HIP1: variants seen among roughly 807,000 people sequenced by gnomAD.
The protein encoded by HIP1 is huntingtin interacting protein 1, also known as huntingtin-interacting protein 1.
Under a neutral mutation model 147.6 loss-of-function variants are expected in HIP1, and 65 were observed. The ratio of observed to expected loss-of-function variants is 0.44; its 90% CI spans 0.36 to 0.54. The LOEUF (loss-of-function observed/expected upper bound fraction) is 0.54, where lower values mean the gene tolerates loss of function less well. Ranked by LOEUF, HIP1 falls within the 20% of genes least tolerant of loss-of-function variation. HIP1 has a pLI of 0.00. For synonymous variants in HIP1, 479 were observed against 504.0 expected (o/e 0.95, Z 0.67); for missense variants, 1,061 against 1,299.6 (o/e 0.82, Z 2.82).
Position 75,543,053 on chromosome 7 carries a change from C to T in HIP1, c.2767-79G>A, listed in dbSNP as rs188571755. The T allele has an allele frequency of 2.7e-6, 4 of 1,469,670 alleles. No individual in the cohort carries two copies. In the East Asian group the frequency reaches 9.6e-5, roughly 35 times the overall value. The allele number at this position is 1,469,670 out of a possible 1,614,324, so 91.0% of individuals were successfully genotyped here. A position where few individuals can be genotyped will look rare whatever the true frequency, so the allele number is the denominator to read the frequency against. ...GAATCAGATAATTGCTCTGATGGTT[C>T]TTAGCAAACATATGTGGGCCAAACG... On this transcript the variant is annotated intron_variant, in intron 27 of 30. Coordinates refer to ENST00000336926, the MANE Select transcript of HIP1 (RefSeq NM_005338.7).
In HIP1 at chr7:75,598,394, C is replaced by G. The variant is rs1174501624; in HGVS notation, c.184+790G>C. ...CCTGGGCAACAGAGTGGGACTCTGTCTCAAAAAAGAAAAAAAAAAAAAACT... is the reference window on the plus strand; with the variant it reads ...CCTGGGCAACAGAGTGGGACTCTGTGTCAAAAAAGAAAAAAAAAAAAAACT... On this transcript the variant is annotated intron_variant, in intron 2 of 30. Transcript: ENST00000336926. Among the ~76,000 whole-genome samples, 3 of 128,466 alleles carry G rather than the reference C, an allele frequency of 2.3e-5. No homozygotes were observed. The Admixed American group carries it at 2.4e-4, about 10-fold the overall frequency. The allele number at this position is 128,466 out of a possible 152,430, so 84.3% of individuals were successfully genotyped here.
In HIP1 at chr7:75,623,329, G is replaced by C. The variant is rs145107541; in HGVS notation, c.121-24082C>G. The stretch of plus-strand genomic sequence containing the variant: ...GGTTTCTGCTGTGAAGAGGGACAGA[G>C]AGAGAGGGCAGCCGCTGGGAGGAGG... On this transcript the variant is annotated intron_variant, in intron 1 of 30. Coordinates refer to ENST00000336926, the MANE Select transcript of HIP1 (RefSeq NM_005338.7). Among the ~76,000 whole-genome samples the C allele has an allele frequency of 4.8e-3, 733 of 152,190 alleles. 2 individuals carry two copies. The highest frequency in any genetic ancestry group is 0.014 in the Admixed American group (210 of 15,272).
chr7:75,571,687 A>G (rs1351569811), intron 8 of HIP1, among the ~76,000 whole-genome samples: 1 of 152,118 alleles, frequency 6.6e-6, no homozygotes, highest in Non-Finnish European at 1.5e-5. Flanking sequence ...GGCTCAAGCG[A>G]TCCTCTCGCC....
At chr7:75,539,293 G>C in intron 30 of HIP1, 30 bp downstream of exon 30, 1 of 1,523,016 alleles carries the variant, frequency 6.6e-7, no homozygotes, top group South Asian at 1.1e-5. Flanking sequence ...CCCTGCTGCG[G>C]GTTAGTGCCC....
chr7:75,558,042 A>G, intron 15 of HIP1, 125 bp downstream of exon 15: 1 of 775,268 alleles, frequency 1.3e-6, no homozygotes, highest in Non-Finnish European at 2.2e-6. Flanking sequence ...GTGGTTCCCG[A>G]GATGACGGCA....
At chr7:75,602,023 C>T (rs1439417123) in intron 1 of HIP1, among the ~76,000 whole-genome samples, 2 of 148,054 alleles carry the variant, frequency 1.4e-5, no homozygotes, top group African/African-American at 2.5e-5. Context: ...TCTGTTTAGA[C>T]AGAGTCTCAC....
intron 1 of HIP1, among the ~76,000 whole-genome samples, chr7:75,665,137 A>C (rs1335291395): frequency 1.3e-5 from 2 of 152,026 alleles, no homozygotes; most frequent in East Asian, 3.8e-4. Context: ...AGGTGCACAC[A>C]TATAGTCCCA....
rs587666219 is a variant in HIP1 at position 75,602,253 on chromosome 7, G to A, written c.121-3006C>T. 4.0e-5 allele frequency among the ~76,000 whole-genome samples: 6 copies of A among 148,934 alleles called. 1 individual carries two copies. The highest frequency in any genetic ancestry group is 4.2e-4 in the South Asian group (2 of 4,728). ...TGACCTCAAGTGATCCACCCGCCTC[G>A]GCCTCACAAAGTGCTGGGATTACAG... On this transcript the variant is annotated intron_variant, in intron 1 of 30. Coordinates refer to ENST00000336926, the MANE Select transcript of HIP1 (RefSeq NM_005338.7).
At chr7:75,539,493 A>AT (rs1301409682) in intron 29 of HIP1, 62 bp from the exon 30 acceptor site, 24 of 1,341,950 alleles carry the variant, frequency 1.8e-5, no homozygotes, top group East Asian at 2.3e-5. Context: ...ATTTTTATTT[A>AT]TTTTTTTATA....
At chr7:75,591,034 A>ATT (rs34986049) in intron 4 of HIP1, among the ~76,000 whole-genome samples, 13 of 142,432 alleles carry the variant, frequency 9.1e-5, no homozygotes, top group Non-Finnish European at 1.7e-4. Context: ...AACCAGGGAG[A>ATT]TTTTTTTTTT....
At chr7:75,555,278 G>A (rs1199058467) in intron 19 of HIP1, 138 bp downstream of exon 19, 22 of 860,154 alleles carry the variant, frequency 2.6e-5, no homozygotes, top group Non-Finnish European at 4.0e-5. Context: ...CTAGGATGGG[G>A]CCTGGGCGCC....
At chr7:75,719,807 C>G (rs1554521015) in intron 1 of HIP1, among the ~76,000 whole-genome samples, 1 of 152,112 alleles carries the variant, frequency 6.6e-6, no homozygotes, top group Non-Finnish European at 1.5e-5. Flanking sequence ...TGCCTGATAC[C>G]CATAGCAGGT....
At chr7:75,615,273 G>T (rs988096672) in intron 1 of HIP1, among the ~76,000 whole-genome samples, 8 of 151,978 alleles carry the variant, frequency 5.3e-5, no homozygotes, top group Non-Finnish European at 1.0e-4. Flanking sequence ...TGGACCCTGT[G>T]GCCAGGTGTG....
intron 1 of HIP1, among the ~76,000 whole-genome samples, chr7:75,703,783 T>C (rs1800910366): frequency 6.6e-6 from 1 of 152,162 alleles, no homozygotes. Context: ...CACATCCTAC[T>C]AAAAACCTTC....
chr7:75,545,856 G>A (rs587662333), intron 25 of HIP1, among the ~76,000 whole-genome samples: 30 of 149,570 alleles, frequency 2.0e-4, no homozygotes, highest in African/African-American at 4.4e-4. Context: ...CAGGAGAATC[G>A]CTTGAACCCA....
At chr7:75,648,402 A>G (rs1798873631) in intron 1 of HIP1, among the ~76,000 whole-genome samples, 1 of 152,052 alleles carries the variant, frequency 6.6e-6, no homozygotes, top group South Asian at 2.1e-4. Flanking sequence ...GAGGAGCATC[A>G]AGCCTCAAAG....
chr7:75,674,217 C>T (rs1554515694), intron 1 of HIP1, among the ~76,000 whole-genome samples: 1 of 152,140 alleles, frequency 6.6e-6, no homozygotes, highest in East Asian at 1.9e-4. Flanking sequence ...ACCTCTAGTT[C>T]TAACAAGTTC....
At chr7:75,693,063 G>C (rs1441806935) in intron 1 of HIP1, among the ~76,000 whole-genome samples, 1 of 151,806 alleles carries the variant, frequency 6.6e-6, no homozygotes, top group African/African-American at 2.4e-5. Context: ...TACTCAGGAG[G>C]CTGAGGCACG....
Position 75,731,845 on chromosome 7 carries a change from T to C in HIP1, c.120+6956A>G, listed in dbSNP as rs566857214. ...CAGGACCCACGGTCACCATCTTGAT[T>C]GCACATGAGAACCACCTGGGACTTT... On this transcript the variant is annotated intron_variant, in intron 1 of 30. Transcript: ENST00000336926. Among the ~76,000 whole-genome samples the C allele has an allele frequency of 4.1e-3, 626 of 152,240 alleles. 9 individuals carry two copies. Among genetic ancestry groups the C allele is most frequent in the South Asian group, 0.038 (185 of 4,820 alleles).
Sources: gnomAD v4.1 joint callset for allele counts (sites outside exome capture counted in the v4.1 genomes callset) on GRCh38, gnomAD v4.1.1 for gene constraint, MANE v1.5 for transcripts, NCBI Gene and HGNC (gene_info 2026-07-23, HGNC 2026-07-21) for gene names.